Variants in KLB observed in about 807,000 individuals in gnomAD.
KLB encodes the protein klotho beta.
Under a neutral mutation model 88.4 loss-of-function variants are expected in KLB, and 44 were observed. That is an observed-to-expected ratio of 0.50 (90% CI 0.39 to 0.64). The LOEUF (loss-of-function observed/expected upper bound fraction) is 0.64. KLB is among the 30% of genes least tolerant of loss of function. KLB has a pLI of 0.00. For synonymous variants in KLB, 548 were observed against 513.4 expected (o/e 1.07, Z -0.91); for missense variants, 1,137 against 1,304.8 (o/e 0.87, Z 1.98).
At chr4:39,408,100 T>C (rs750061474) in intron 1 of KLB, among the ~76,000 whole-genome samples, 1 of 152,210 alleles carries the variant, frequency 6.6e-6, no homozygotes, top group Admixed American at 6.5e-5. Context: ...TTGGAACCCT[T>C]TTCTGACAAC....
At chr4:39,429,469 A>T (rs1429870545) in intron 1 of KLB, among the ~76,000 whole-genome samples, 3 of 152,216 alleles carry the variant, frequency 2.0e-5, no homozygotes, top group Non-Finnish European at 4.4e-5. Context: ...AAACTGGAGG[A>T]GAGAACAGAA....
intron 3 of KLB, among the ~76,000 whole-genome samples, chr4:39,439,639 C>G (rs548652688): frequency 3.3e-4 from 50 of 150,920 alleles, no homozygotes; most frequent in African/African-American, 1.2e-3. Flanking sequence ...TTACAGGCAC[C>G]CGCCACCATG....
intron 1 of KLB, among the ~76,000 whole-genome samples, chr4:39,421,165 G>C (rs1001910025): frequency 6.6e-6 from 1 of 151,962 alleles, no homozygotes; most frequent in African/African-American, 2.4e-5. Context: ...GGGCTACCTT[G>C]TTTTTCTAAA....
intron 1 of KLB, among the ~76,000 whole-genome samples, chr4:39,433,459 A>C (rs1330017637): frequency 1.3e-5 from 2 of 152,150 alleles, no homozygotes; most frequent in East Asian, 3.8e-4. Flanking sequence ...TTCTCACAAC[A>C]TCCCTAGGAG....
rs775427150 is a variant in KLB, at chr4:39,407,575, G to A, written c.626G>A (p.Trp209Ter). ...GCACTACAAGAAAAATATGGGGGGT[G>A]GAAAAATGATACCATAATAGATATC... Reference protein sequence around the residue: ...PLALQEKYGGWKNDTIIDIFN... With the variant: ...PLALQEKYGG Residue 209 changes from tryptophan (W) to a stop codon, truncating the protein, a stop_gained, in exon 1 of 5, where the codon TGG (tryptophan) becomes TAG (stop). Transcript: ENST00000257408. LOFTEE classifies it high-confidence loss of function. 2 of 1,613,854 alleles carry A rather than the reference G, an allele frequency of 1.2e-6. No homozygotes were observed. Among genetic ancestry groups the A allele is most frequent in the Non-Finnish European group, 1.7e-6 (2 of 1,179,908 alleles).
rs569604864 is a variant in KLB at position 39,447,171 on chromosome 4, G to A, written c.2445G>A (p.Lys815=). Residue 815 remains lysine (K), a synonymous_variant, in exon 4 of 5, where the codon AAG becomes AAA. Coordinates refer to ENST00000257408, the MANE Select transcript of KLB (RefSeq NM_175737.4). ...RLTEAERRLL[K]GTVDFCALNH... ...CCGAGGCCGAAAGGAGGCTGCTCAA[G>A]GGCACGGTCGACTTCTGCGCGCTCA... 8 of 1,613,892 alleles carry A rather than the reference G, an allele frequency of 5.0e-6. No individual in the cohort carries two copies. The highest frequency in any genetic ancestry group is 1.3e-5 in the African/African-American group (1 of 75,066).
At chr4:39,447,510 C>G (rs369686312) in intron 4 of KLB, 35 bp downstream of exon 4, 13 of 1,483,528 alleles carry the variant, frequency 8.8e-6, no homozygotes, top group Middle Eastern at 2.3e-4. Context: ...CAGGGCAGAG[C>G]GAGATTCCTG....
Position 39,407,040 on chromosome 4 carries a change from T to A in KLB, c.91T>A (p.Ser31Thr), listed in dbSNP as rs1353443232. Reference protein sequence around the residue: ...EITTRYRNTMSNGGLQRSVIL... With the variant: ...EITTRYRNTMTNGGLQRSVIL... ...AACCACACGCTATAGGAATACAATG[T>A]CCAACGGGGGATTGCAAAGATCTGT... The change falls in exon 1 of 5, where the codon TCC (serine) becomes ACC (threonine). Residue 31 changes from serine to threonine, a missense_variant. By Grantham distance (58) the Ser-to-Thr change is moderately conservative. This residue lies in a region of KLB where 111 missense variants were observed against 118.3 expected (regional missense o/e 0.94). Transcript: ENST00000257408. 6.2e-7 allele frequency: 1 copy of A among 1,614,118 alleles called. No homozygotes were observed. The highest frequency in any genetic ancestry group is 1.1e-5 in the South Asian group (1 of 91,084).
chr4:39,446,920 C>G lies in KLB; in HGVS notation c.2194C>G (p.Pro732Ala), dbSNP rs746501741. ...GCGCCTCTACGACCGGCAGTTCAGG[C>G]CCTCACAGCGCGGGGCCGTGTCGCT... ...AWRLYDRQFR[P>A]SQRGAVSLSL... The change falls in exon 4 of 5, where the codon CCC becomes GCC. Residue 732 changes from proline (P) to alanine (A), a missense_variant. Coordinates refer to ENST00000257408, the MANE Select transcript of KLB (RefSeq NM_175737.4). The surrounding 1 kb of genome is among the most constrained non-coding windows in gnomAD (Gnocchi z 6.4). 38 of 1,604,956 alleles carry G rather than the reference C, an allele frequency of 2.4e-5. No individual in the cohort carries two copies. In the Admixed American group the frequency reaches 6.2e-4, roughly 26 times the overall value.
chr4:39,446,989 G>A lies in KLB; in HGVS notation c.2263G>A (p.Asp755Asn). ...GGCGGAACCCGCCAACCCCTATGCT[G>A]ACTCGCACTGGAGGGCGGCCGAGCG... ...DWAEPANPYADSHWRAAERFL... is the reference protein window; with the variant it reads ...DWAEPANPYANSHWRAAERFL... Residue 755 changes from aspartate to asparagine, a missense_variant, in exon 4 of 5, where the codon GAC (aspartate) becomes AAC (asparagine). This residue lies in a region of KLB where 426 missense variants were observed against 404.6 expected (regional missense o/e 1.05). Transcript: ENST00000257408. The surrounding 1 kb of genome is among the most constrained non-coding windows in gnomAD (Gnocchi z 6.4). 6.2e-7 allele frequency: 1 copy of A among 1,609,344 alleles called. No homozygotes were observed. The highest frequency in any genetic ancestry group is 2.2e-5 in the East Asian group (1 of 44,874).
intron 1 of KLB, among the ~76,000 whole-genome samples, chr4:39,418,918 A>G (rs1743018588): frequency 6.6e-6 from 1 of 150,426 alleles, no homozygotes; most frequent in African/African-American, 2.4e-5. Flanking sequence ...GCTGCACTCC[A>G]GCTTGGATGT....
chr4:39,410,214 T>C lies in KLB; in HGVS notation c.825+2440T>C, dbSNP rs183728560. Among the ~76,000 whole-genome samples, 26 of 152,328 alleles carry C rather than the reference T, an allele frequency of 1.7e-4. No individual in the cohort carries two copies. The East Asian group carries it at 2.3e-3, about 14-fold the overall frequency. ...ATTTTAAGGATTAAAGCCTTAAAAT[T>C]GGCTGATAAGAATAAACAGGCAAAA... On this transcript the variant is annotated intron_variant, in intron 1 of 4. Transcript: ENST00000257408.
rs182267384 is a variant in KLB, at chr4:39,431,884, A to C, written c.826-2326A>C. 1.8e-3 allele frequency among the ~76,000 whole-genome samples: 273 copies of C among 152,332 alleles called. 1 individual carries two copies. Among genetic ancestry groups the C allele is most frequent in the African/African-American group, 5.9e-3 (245 of 41,582 alleles). On this transcript the variant is annotated intron_variant, in intron 1 of 4. Coordinates refer to ENST00000257408, the MANE Select transcript of KLB (RefSeq NM_175737.4). The stretch of plus-strand genomic sequence containing the variant: ...CGTAAAAGGCAGTTTCAGATAGTTT[A>C]TTCTGATATAAAATATCTCCAGTGA...
intron 1 of KLB, among the ~76,000 whole-genome samples, chr4:39,413,475 C>T (rs912063715): frequency 2.1e-4 from 32 of 151,876 alleles, no homozygotes; most frequent in African/African-American, 9.7e-5. Flanking sequence ...TTTGGGAAAC[C>T]GAGGGAAGAA....
intron 1 of KLB, among the ~76,000 whole-genome samples, chr4:39,414,415 C>T (rs1344304965): frequency 6.6e-6 from 1 of 151,990 alleles, no homozygotes; most frequent in Non-Finnish European, 1.5e-5. Context: ...AAGACTGTCC[C>T]TCCTGGCTTT....
At position 39,430,929 on chromosome 4, in the gene KLB, T is replaced by TC. The variant is rs1553931589; in HGVS notation, c.826-3277dup. 2.3e-3 allele frequency among the ~76,000 whole-genome samples: 330 copies of TC among 146,578 alleles called. 3 individuals carry two copies. The highest frequency in any genetic ancestry group is 7.1e-3 in the African/African-American group (284 of 40,126). ...CCGGTTGGAAAGTTTTTTTTTTTTT[T>TC]CCCCTGAGTCAGGGTGTCACTCTGT... On this transcript the variant is annotated intron_variant, in intron 1 of 4. Coordinates refer to ENST00000257408, the MANE Select transcript of KLB (RefSeq NM_175737.4).
At chr4:39,416,544 G>A (rs761538308) in intron 1 of KLB, among the ~76,000 whole-genome samples, 3 of 152,132 alleles carry the variant, frequency 2.0e-5, no homozygotes, top group Non-Finnish European at 4.4e-5. Context: ...ACTTTGGGAG[G>A]CTGAGGCAGG....
chr4:39,440,142 C>A (rs1307854232), intron 3 of KLB, among the ~76,000 whole-genome samples: 2 of 148,920 alleles, frequency 1.3e-5, no homozygotes, highest in South Asian at 2.1e-4. Context: ...TTTTTCTCTT[C>A]TCTTCTTTTC....
Position 39,411,546 on chromosome 4 carries a change from G to A in KLB, c.825+3772G>A, listed in dbSNP as rs893455384. Among the ~76,000 whole-genome samples, 17 of 148,858 alleles carry A rather than the reference G, an allele frequency of 1.1e-4. 1 individual carries two copies. On this transcript the variant is annotated intron_variant, in intron 1 of 4. Coordinates refer to ENST00000257408, the MANE Select transcript of KLB (RefSeq NM_175737.4). ...GCCATTTTTTTTTTTTTAAGACAGAGTCTCACTCTGTCACCCAGGCTGGCG... is the reference window on the plus strand; with the variant it reads ...GCCATTTTTTTTTTTTTAAGACAGAATCTCACTCTGTCACCCAGGCTGGCG...
Sources: gnomAD v4.1 joint callset for allele counts (sites outside exome capture counted in the v4.1 genomes callset) on GRCh38, gnomAD v4.1.1 for gene constraint, gnomAD v4.1.1 regional missense constraint, Gnocchi (gnomAD v3.1) non-coding constraint, MANE v1.5 for transcripts, NCBI Gene and HGNC (gene_info 2026-07-23, HGNC 2026-07-21) for gene names.